Variants in SESTD1 observed in about 807,000 individuals in gnomAD.
The protein encoded by SESTD1 is SEC14 domain and spectrin repeat-containing protein 1.
Under a neutral mutation model 101.7 loss-of-function variants are expected in SESTD1, and 43 were observed. The ratio of observed to expected loss-of-function variants is 0.42; its 90% CI spans 0.33 to 0.55. The LOEUF is 0.55. Among genes scored for constraint, SESTD1 ranks in the 20% least tolerant of loss-of-function variants. The pLI is 0.07. For synonymous variants in SESTD1, 283 were observed against 286.8 expected (o/e 0.99, Z 0.13); for missense variants, 647 against 815.1 (o/e 0.79, Z 2.51).
rs932597503 is a variant in SESTD1 at position 179,203,609 on chromosome 2, A to G, written c.-25-11743T>C. Among the ~76,000 whole-genome samples, 12 of 134,698 alleles carry G rather than the reference A, an allele frequency of 8.9e-5. 3 individuals carry two copies. Among genetic ancestry groups the G allele is most frequent in the African/African-American group, 2.1e-4 (7 of 33,978 alleles). 88.4% of individuals were successfully genotyped at this position (134,698 alleles called of 152,430 possible). A position where few individuals can be genotyped will look rare whatever the true frequency, so the allele number is the denominator to read the frequency against. On this transcript the variant is annotated intron_variant, in intron 1 of 17. Transcript: ENST00000428443. ...TTGTATCCTTTATAATAGTCCAGTA[A>G]TCATAAATAAATTGTCTTACTGAAG... is the stretch of plus-strand genomic sequence containing the variant.
chr2:179,130,323 C>T (rs549222728), intron 10 of SESTD1, among the ~76,000 whole-genome samples: 45 of 152,174 alleles, frequency 3.0e-4, no homozygotes, highest in East Asian at 7.7e-4. Context: ...TTAGAATAAT[C>T]TATAAGGTAT....
chr2:179,222,292 G>T (rs1399212185), intron 1 of SESTD1, among the ~76,000 whole-genome samples: 1 of 152,210 alleles, frequency 6.6e-6, no homozygotes, highest in Non-Finnish European at 1.5e-5. Context: ...CCACTTACTA[G>T]CTATGTGGTT....
chr2:179,225,643 G>A (rs1028843027), intron 1 of SESTD1, among the ~76,000 whole-genome samples: 19 of 152,164 alleles, frequency 1.2e-4, no homozygotes, highest in Admixed American at 3.9e-4. Context: ...GCCTGGTGAA[G>A]CCCTGTTCCT....
Position 179,121,908 on chromosome 2 carries a change from C to T in SESTD1, c.1304G>A (p.Arg435His), listed in dbSNP as rs555258494. 1.7e-5 allele frequency: 28 copies of T among 1,603,216 alleles called. No individual in the cohort carries two copies. Among genetic ancestry groups the T allele is most frequent in the African/African-American group, 4.0e-5 (3 of 74,116 alleles). The change falls in exon 13 of 18, where the codon CGT becomes CAT. Residue 435 changes from arginine to histidine, a missense_variant. This residue lies in a region of SESTD1 where 476 missense variants were observed against 562.6 expected (regional missense o/e 0.85). Transcript: ENST00000428443. ...ATCCAGGAGACCTTGACCTTTTTCA[C>T]GCAAACCTTGCAATCCCACATCTAA... is the stretch of plus-strand genomic sequence containing the variant. ...KSVDVGLQGL[R>H]EKGQGLLDQI...
At chr2:179,227,937 T>C (rs534478014) in intron 1 of SESTD1, among the ~76,000 whole-genome samples, 3 of 152,144 alleles carry the variant, frequency 2.0e-5, no homozygotes, top group Non-Finnish European at 2.9e-5. Context: ...TGGCTGCCAT[T>C]TGGTATGGGG....
chr2:179,240,506 T>G (rs980312484), intron 1 of SESTD1, among the ~76,000 whole-genome samples: 1 of 152,138 alleles, frequency 6.6e-6, no homozygotes, highest in Non-Finnish European at 1.5e-5. Context: ...TTTTGCCTAA[T>G]TACATCTCAG....
chr2:179,261,890 A>G (rs970542273), intron 1 of SESTD1, among the ~76,000 whole-genome samples: 3 of 152,202 alleles, frequency 2.0e-5, no homozygotes, highest in Non-Finnish European at 4.4e-5. Context: ...AGAAAATTGA[A>G]AGCATATATA....
intron 3 of SESTD1, among the ~76,000 whole-genome samples, chr2:179,178,131 C>A (rs1157692936): frequency 2.0e-5 from 3 of 152,176 alleles, no homozygotes; most frequent in Non-Finnish European, 4.4e-5. Flanking sequence ...AATGGATGCA[C>A]AACCTGTGAA....
At chr2:179,170,608 T>C (rs778739199) in intron 5 of SESTD1, among the ~76,000 whole-genome samples, 10 of 151,898 alleles carry the variant, frequency 6.6e-5, no homozygotes, top group Admixed American at 1.3e-4. Context: ...ATTTCTGGAG[T>C]GATAAGTGTT....
intron 1 of SESTD1, among the ~76,000 whole-genome samples, chr2:179,229,593 C>T (rs376443857): frequency 1.3e-5 from 2 of 151,652 alleles, no homozygotes; most frequent in African/African-American, 4.8e-5. Context: ...GTTTCTATTT[C>T]TCTGGAGAGC....
chr2:179,191,075 G>A (rs1047852417), intron 2 of SESTD1, among the ~76,000 whole-genome samples: 1 of 152,104 alleles, frequency 6.6e-6, no homozygotes, highest in African/African-American at 2.4e-5. Flanking sequence ...CCATTACTGT[G>A]TATATATCCA....
intron 7 of SESTD1, among the ~76,000 whole-genome samples, chr2:179,148,170 T>C (rs2045437501): frequency 1.3e-5 from 2 of 152,216 alleles, no homozygotes; most frequent in South Asian, 2.1e-4. Flanking sequence ...ACTTGATATG[T>C]GACTATATTT....
At chr2:179,225,669 C>G (rs1431368045) in intron 1 of SESTD1, among the ~76,000 whole-genome samples, 2 of 152,120 alleles carry the variant, frequency 1.3e-5, no homozygotes, top group Non-Finnish European at 2.9e-5. Context: ...ATGGTATCGT[C>G]TAGGTGTCCT....
chr2:179,115,105 C>G lies in SESTD1; in HGVS notation c.1799G>C (p.Arg600Thr). Reference protein sequence around the residue: ...FTIASEERVHRLEMAIAFHSN... With the variant: ...FTIASEERVHTLEMAIAFHSN... ...GTGAAATGCAATAGCCATTTCCAAT[C>G]TATGTACTCTCTCTTCAGATGCTAT... The change falls in exon 16 of 18, where the codon AGA (arginine) becomes ACA (threonine). Residue 600 changes from arginine (R) to threonine (T), a missense_variant. Physicochemically the swap from Arg to Thr is moderately conservative, Grantham distance 71. Coordinates refer to ENST00000428443, the MANE Select transcript of SESTD1 (RefSeq NM_178123.5). The G allele has an allele frequency of 6.2e-7, 1 of 1,610,346 alleles. No individual in the cohort carries two copies. Among genetic ancestry groups the G allele is most frequent in the South Asian group, 1.1e-5 (1 of 89,706 alleles).
At chr2:179,201,228 A>G (rs111980242) in intron 1 of SESTD1, among the ~76,000 whole-genome samples, 10,534 of 133,280 alleles carry the variant, frequency 0.079, 2,343 homozygotes, top group South Asian at 0.21. Context: ...ATGAGATACC[A>G]TCTCACACCA....
intron 1 of SESTD1, among the ~76,000 whole-genome samples, chr2:179,263,610 G>A (rs2047513387): frequency 6.7e-6 from 1 of 149,940 alleles, no homozygotes; most frequent in Non-Finnish European, 1.5e-5. Context: ...TACTCCCTCG[G>A]CAGCACTCCC....
In SESTD1 at chr2:179,219,867, C is replaced by G. The variant is rs187584306; in HGVS notation, c.-25-28001G>C. On this transcript the variant is annotated intron_variant, in intron 1 of 17. Coordinates refer to ENST00000428443, the MANE Select transcript of SESTD1 (RefSeq NM_178123.5). ...GCTTTCACCAAAATACAGATTTATC[C>G]AAATGTATAGCTCCTCTAAATTAAT... 4.2e-3 allele frequency among the ~76,000 whole-genome samples: 644 copies of G among 152,196 alleles called. 2 individuals are homozygous for G. The highest frequency in any genetic ancestry group is 0.014 in the African/African-American group (595 of 41,532).
chr2:179,191,907 A>G, intron 1 of SESTD1, 41 bp from the exon 2 acceptor site: 1 of 1,307,734 alleles, frequency 7.6e-7, no homozygotes, highest in East Asian at 2.3e-5. Flanking sequence ...CAAGACAACA[A>G]TTATTCCACG....
chr2:179,185,469 T>C (rs2105489456), intron 2 of SESTD1, among the ~76,000 whole-genome samples: 1 of 142,756 alleles, frequency 7.0e-6, no homozygotes, highest in Admixed American at 7.2e-5. Flanking sequence ...TGATATACTA[T>C]ATATTACTTA....
Sources: gnomAD v4.1 joint callset for allele counts (sites outside exome capture counted in the v4.1 genomes callset) on GRCh38, gnomAD v4.1.1 for gene constraint, gnomAD v4.1.1 regional missense constraint, MANE v1.5 for transcripts, NCBI Gene and HGNC (gene_info 2026-07-23, HGNC 2026-07-21) for gene names.